UNC5C: variants seen among roughly 807,000 people sequenced by gnomAD.
UNC5C encodes the protein netrin receptor UNC5C.
Under a neutral mutation model 99.8 loss-of-function variants are expected in UNC5C, and 47 were observed. That is an observed-to-expected ratio of 0.47 (90% CI 0.37 to 0.60). UNC5C has a LOEUF of 0.60. Among genes scored for constraint, UNC5C ranks in the 20% least tolerant of loss-of-function variants. The pLI is 0.00. For missense variants in UNC5C, 1,062 were observed against 1,165.9 expected (o/e 0.91, Z 1.30); for synonymous variants, 487 against 452.2 (o/e 1.08, Z -0.98).
chr4:95,225,232 T>A (rs1286758496), intron 7 of UNC5C, among the ~76,000 whole-genome samples: 1 of 152,166 alleles, frequency 6.6e-6, no homozygotes, highest in Admixed American at 6.5e-5. Context: ...AATTTTGGTA[T>A]TTTTACTAGA....
At chr4:95,548,707 G>T (rs1463892316) in intron 1 of UNC5C, 27 bp downstream of exon 1, 2 of 1,609,626 alleles carry the variant, frequency 1.2e-6, no homozygotes, top group Non-Finnish European at 1.7e-6. Context: ...AAGGGAGGTG[G>T]CCGCGGAGCT....
chr4:95,192,285 C>T (rs1737162673), intron 12 of UNC5C, among the ~76,000 whole-genome samples: 1 of 140,356 alleles, frequency 7.1e-6, no homozygotes, highest in Non-Finnish European at 1.6e-5. Context: ...CTGCCCACCT[C>T]TTCTCACCTC....
chr4:95,527,216 A>G lies in UNC5C; in HGVS notation c.124+21518T>C, dbSNP rs145527983. The stretch of plus-strand genomic sequence containing the variant: ...TGTCAATTTCAATTCCCAATATATT[A>G]GTAACAACAAAAACGCATCACACAC... On this transcript the variant is annotated intron_variant, in intron 1 of 15. Coordinates refer to ENST00000453304, the MANE Select transcript of UNC5C (RefSeq NM_003728.4). Among the ~76,000 whole-genome samples, 728 of 151,894 alleles carry G rather than the reference A, an allele frequency of 4.8e-3. 5 individuals carry two copies. Among genetic ancestry groups the G allele is most frequent in the East Asian group, 0.024 (124 of 5,188 alleles).
At chr4:95,198,784 A>G (rs1737535447) in intron 12 of UNC5C, among the ~76,000 whole-genome samples, 1 of 152,200 alleles carries the variant, frequency 6.6e-6, no homozygotes, top group South Asian at 2.1e-4. Flanking sequence ...AGGTGTTACC[A>G]GGAAGATCCA....
At chr4:95,207,913 T>G (rs1737939496) in intron 10 of UNC5C, among the ~76,000 whole-genome samples, 1 of 152,236 alleles carries the variant, frequency 6.6e-6, no homozygotes, top group South Asian at 2.1e-4. Flanking sequence ...GTATGTATCC[T>G]TGATTTGCTT....
chr4:95,331,172 G>A (rs1238525972), intron 2 of UNC5C, among the ~76,000 whole-genome samples: 1 of 152,050 alleles, frequency 6.6e-6, no homozygotes, highest in Non-Finnish European at 1.5e-5. Flanking sequence ...TGGATGAATA[G>A]TATTCTATTG....
intron 1 of UNC5C, among the ~76,000 whole-genome samples, chr4:95,424,734 A>G (rs1048359591): frequency 6.6e-6 from 1 of 151,826 alleles, no homozygotes; most frequent in Non-Finnish European, 1.5e-5. Flanking sequence ...TGTGTTAGCC[A>G]GGATGGTCTG....
rs1211335596 is a variant in UNC5C, at chr4:95,197,980, C to CTT, written c.2136+4749_2136+4750dup. Among the ~76,000 whole-genome samples, 268 of 119,918 alleles carry CTT rather than the reference C, an allele frequency of 2.2e-3. 2 individuals are homozygous for CTT. Among genetic ancestry groups the CTT allele is most frequent in the African/African-American group, 7.6e-3 (221 of 29,144 alleles). The allele number at this position is 119,918 out of a possible 152,430, so 78.7% of individuals were successfully genotyped here. A position where few individuals can be genotyped will look rare whatever the true frequency, so the allele number is the denominator to read the frequency against. ...TGCAGCAGGTTGAGGGAGCCTCTCC[C>CTT]TTTTTTTTTTTTTTTTTTTTTTTAA... On this transcript the variant is annotated intron_variant, in intron 12 of 15. Coordinates refer to ENST00000453304, the MANE Select transcript of UNC5C (RefSeq NM_003728.4).
chr4:95,320,295 G>A (rs181404237), intron 2 of UNC5C, among the ~76,000 whole-genome samples: 5 of 151,736 alleles, frequency 3.3e-5, no homozygotes, highest in African/African-American at 4.8e-5. Flanking sequence ...GGTGGCGGGC[G>A]CCTATAATCC....
At chr4:95,398,932 G>A (rs1326183060) in intron 1 of UNC5C, among the ~76,000 whole-genome samples, 1 of 152,086 alleles carries the variant, frequency 6.6e-6, no homozygotes, top group Admixed American at 6.6e-5. Flanking sequence ...AAAAAGTATT[G>A]TTTCTTACTG....
At chr4:95,216,864 C>T (rs1340834822) in intron 9 of UNC5C, among the ~76,000 whole-genome samples, 1 of 151,144 alleles carries the variant, frequency 6.6e-6, no homozygotes, top group African/African-American at 2.4e-5. Flanking sequence ...GTCAGAACCA[C>T]CTGGAAAGCT....
intron 1 of UNC5C, among the ~76,000 whole-genome samples, chr4:95,477,889 T>C (rs1720990587): frequency 6.6e-6 from 1 of 152,002 alleles, no homozygotes; most frequent in Admixed American, 6.6e-5. Context: ...TCATCTCTAG[T>C]GTCACCCTAA....
chr4:95,531,952 T>A (rs990694382), intron 1 of UNC5C, among the ~76,000 whole-genome samples: 5 of 152,222 alleles, frequency 3.3e-5, no homozygotes, highest in Non-Finnish European at 7.3e-5. Flanking sequence ...GATAGAATTC[T>A]ACAGTTGAAT....
At chr4:95,491,435 G>A (rs1384800559) in intron 1 of UNC5C, among the ~76,000 whole-genome samples, 1 of 151,500 alleles carries the variant, frequency 6.6e-6, no homozygotes, top group Non-Finnish European at 1.5e-5. Flanking sequence ...ACTTACATAT[G>A]GAAAAACTGC....
rs561540945 is a variant in UNC5C at position 95,351,713 on chromosome 4, T to C, written c.125-16082A>G. On this transcript the variant is annotated intron_variant, in intron 1 of 15. Coordinates refer to ENST00000453304, the MANE Select transcript of UNC5C (RefSeq NM_003728.4). Reference sequence around the variant, plus strand: ...AAAAAATTAAAAATTAAAAAAAATATGTATCTTCTATGCAAGTGCTAATGC... The same window carrying C: ...AAAAAATTAAAAATTAAAAAAAATACGTATCTTCTATGCAAGTGCTAATGC... 3.3e-5 allele frequency among the ~76,000 whole-genome samples: 5 copies of C among 152,066 alleles called. No individual in the cohort carries two copies. In the East Asian group the frequency reaches 9.7e-4, roughly 29 times the overall value.
chr4:95,530,728 T>C (rs928045877), intron 1 of UNC5C, among the ~76,000 whole-genome samples: 2 of 152,202 alleles, frequency 1.3e-5, no homozygotes, highest in Admixed American at 1.3e-4. Flanking sequence ...AGATACAGCA[T>C]CTTATCATAT....
At chr4:95,237,017 T>C (rs184089043) in intron 7 of UNC5C, among the ~76,000 whole-genome samples, 216 of 152,346 alleles carry the variant, frequency 1.4e-3, no homozygotes, top group Middle Eastern at 6.8e-3. Flanking sequence ...AGTATTTGCA[T>C]GTAACCTATG....
intron 7 of UNC5C, among the ~76,000 whole-genome samples, chr4:95,236,447 G>C (rs7442335): frequency 5.6e-5 from 8 of 142,450 alleles, no homozygotes; most frequent in Non-Finnish European, 7.7e-5. Context: ...GTTGGGGGAG[G>C]GGGGAGGGAT....
chr4:95,450,140 CT>C (rs1747238579), intron 1 of UNC5C, among the ~76,000 whole-genome samples: 1 of 152,192 alleles, frequency 6.6e-6, no homozygotes, highest in Non-Finnish European at 1.5e-5. Flanking sequence ...CAGATCTGCC[CT>C]TTCCACCATG....
Sources: allele counts gnomAD v4.1 joint callset (sites outside exome capture counted in the v4.1 genomes callset), GRCh38; gene constraint gnomAD v4.1.1; transcripts MANE v1.5; gene names NCBI Gene and HGNC (gene_info 2026-07-23, HGNC 2026-07-21).